FBLN1: variants seen among roughly 807,000 people sequenced by gnomAD.
The protein encoded by FBLN1 is fibulin-1.
A neutral mutation model predicts 89.7 loss-of-function variants in FBLN1; 34 were observed. That is an observed-to-expected ratio of 0.38 (90% CI 0.29 to 0.50). The LOEUF (loss-of-function observed/expected upper bound fraction) is 0.50. Among genes scored for constraint, FBLN1 ranks in the 20% least tolerant of loss-of-function variants. FBLN1 has a pLI of 0.92. For synonymous variants in FBLN1, 393 were observed against 391.3 expected, an observed-to-expected ratio of 1.00 and a Z score of -0.05; for missense variants, 777 against 988.1, an observed-to-expected ratio of 0.79 and a Z score of 2.86.
At chr22:45,546,157 G>A (rs2088623844) in intron 11 of FBLN1, among the ~76,000 whole-genome samples, 1 of 143,682 alleles carries the variant, frequency 7.0e-6, no homozygotes, top group South Asian at 2.3e-4. Flanking sequence ...TCCAGCCTGG[G>A]CGACAGACAA....
In FBLN1 at chr22:45,533,661, G is replaced by A; in HGVS notation, c.647-100G>A. 2.1e-6 allele frequency: 3 copies of A among 1,414,388 alleles called. No individual in the cohort carries two copies. The South Asian group carries it at 3.5e-5, about 16-fold the overall frequency. 87.6% of individuals were successfully genotyped at this position (1,414,388 alleles called of 1,614,324 possible). A position where few individuals can be genotyped will look rare whatever the true frequency, so the allele number is the denominator to read the frequency against. The stretch of plus-strand genomic sequence containing the variant: ...CCTGAGCTCAGTTTGCGAGGGTGCA[G>A]GGAAGCACTTCCACCGTGGCTTTGG... On this transcript the variant is annotated intron_variant, in intron 6 of 16. Transcript: ENST00000327858.
chr22:45,573,854 A>G (rs1189430067), intron 14 of FBLN1, among the ~76,000 whole-genome samples: 1 of 152,068 alleles, frequency 6.6e-6, no homozygotes, highest in Non-Finnish European at 1.5e-5. Flanking sequence ...TTGCCTTGTA[A>G]TAACTCGTTA....
chr22:45,600,200 C>G (rs559081567), intron 16 of FBLN1, 107 bp from the exon 17 acceptor site: 1 of 1,366,252 alleles, frequency 7.3e-7, no homozygotes, highest in African/African-American at 1.4e-5. Context: ...TCCATGAGGT[C>G]TATGCCTCCT....
At position 45,563,080 on chromosome 22, in the gene FBLN1, C is replaced by A; in HGVS notation, c.1698-11431C>A. On this transcript the variant is annotated intron_variant, in intron 14 of 16. Coordinates refer to ENST00000327858, the MANE Select transcript of FBLN1 (RefSeq NM_006486.3). The surrounding 1 kb of genome is among the most constrained non-coding windows in gnomAD (Gnocchi z 5.7). ...GGGACAGCATGCAGCTGGCCATCAC[C>A]GGCGGCAATGAGGAGGGCTTTTTCA... The A allele has an allele frequency of 6.2e-6, 10 of 1,613,442 alleles. No homozygotes were observed. Among genetic ancestry groups the A allele is most frequent in the Non-Finnish European group, 8.5e-6 (10 of 1,179,982 alleles).
At chr22:45,511,432 G>A (rs1036656093) in intron 1 of FBLN1, among the ~76,000 whole-genome samples, 31 of 148,704 alleles carry the variant, frequency 2.1e-4, no homozygotes, top group African/African-American at 7.3e-4. Flanking sequence ...GGGATTACAG[G>A]CATGAGCCAC....
In FBLN1 at chr22:45,600,823, A is replaced by T; in HGVS notation, c.*377A>T. On this transcript the variant is annotated 3_prime_UTR_variant, in exon 17 of 17. Transcript: ENST00000327858. ...TTGCCCTGATTGTATGAAATTTGACATTTTGGCACTTTTTTTTTTTTTTTG... is the reference window on the plus strand; with the variant it reads ...TTGCCCTGATTGTATGAAATTTGACTTTTTGGCACTTTTTTTTTTTTTTTG... 2.1e-5 allele frequency: 6 copies of T among 279,520 alleles called. No homozygotes were observed. Among genetic ancestry groups the T allele is most frequent in the South Asian group, 3.8e-5 (1 of 26,342 alleles). 17.3% of individuals were successfully genotyped at this position (279,520 alleles called of 1,614,324 possible). A position where few individuals can be genotyped will look rare whatever the true frequency, so the allele number is the denominator to read the frequency against.
rs758217466 is a variant in FBLN1, at chr22:45,577,027, A to G, written c.1891A>G (p.Asn631Asp). The G allele has an allele frequency of 1.1e-5, 18 of 1,614,046 alleles. No homozygotes were observed. In the African/African-American group the frequency reaches 1.7e-4, roughly 16 times the overall value. The change falls in exon 16 of 17, where the codon AAC becomes GAC. Residue 631 changes from asparagine (N) to aspartate (D), a missense_variant. Coordinates refer to ENST00000327858, the MANE Select transcript of FBLN1 (RefSeq NM_006486.3). This position sits in a 1 kb window ranked among gnomAD's most constrained non-coding sequence, Gnocchi z 6.6. The part of the protein sequence containing the change: ...ITPPHPASQA[N>D]IIFDITEGNL... Reference sequence around the variant, plus strand: ...GCCACCGCATCCTGCCAGCCAGGCTAACATCATCTTCGACATCACGGAAGG... The same window carrying G: ...GCCACCGCATCCTGCCAGCCAGGCTGACATCATCTTCGACATCACGGAAGG...
In FBLN1 at chr22:45,579,211, C is replaced by T. The variant is rs924117682; in HGVS notation, c.1972+2103C>T. On this transcript the variant is annotated intron_variant, in intron 16 of 16. Transcript: ENST00000327858. This position sits in a 1 kb window ranked among gnomAD's most constrained non-coding sequence, Gnocchi z 5.5. Reference sequence around the variant, plus strand: ...TGGGAGTGTCTGTTTCTCAGCTTCCCATCCACTGGGGCAGAAAATCCTGGC... The same window carrying T: ...TGGGAGTGTCTGTTTCTCAGCTTCCTATCCACTGGGGCAGAAAATCCTGGC... Among the ~76,000 whole-genome samples, 2 of 152,246 alleles carry T rather than the reference C, an allele frequency of 1.3e-5. No homozygotes were observed. Among genetic ancestry groups the T allele is most frequent in the African/African-American group, 4.8e-5 (2 of 41,474 alleles).
intron 16 of FBLN1, among the ~76,000 whole-genome samples, chr22:45,586,188 G>T (rs1166574611): frequency 1.3e-5 from 2 of 152,216 alleles, no homozygotes. Context: ...GGAGCTCAAG[G>T]CCTCAGCCCC....
chr22:45,586,225 CGCACTGCA>C (rs1481829449), intron 16 of FBLN1, among the ~76,000 whole-genome samples: 1 of 152,160 alleles, frequency 6.6e-6, no homozygotes, highest in Non-Finnish European at 1.5e-5. Flanking sequence ...ATGTGAGTGC[CGCACTGCA>C]CACCCGAGAT....
intron 16 of FBLN1, among the ~76,000 whole-genome samples, chr22:45,585,246 C>T (rs2089074533): frequency 6.6e-6 from 1 of 152,144 alleles, no homozygotes; most frequent in African/African-American, 2.4e-5. Flanking sequence ...ATGCAGCAGC[C>T]CCGGTACAAG....
chr22:45,589,610 A>G (rs1439464494), intron 16 of FBLN1, among the ~76,000 whole-genome samples: 1 of 152,144 alleles, frequency 6.6e-6, no homozygotes, highest in Non-Finnish European at 1.5e-5. Flanking sequence ...GGCGCCTCTC[A>G]GGAGTAAAGG....
chr22:45,503,299 A>G (rs2087973095), intron 1 of FBLN1: 1 of 271,006 alleles, frequency 3.7e-6, no homozygotes, highest in South Asian at 1.7e-4. Flanking sequence ...CCACCCCTCA[A>G]ACACACCGTC....
At chr22:45,552,418 G>A (rs180931302) in intron 14 of FBLN1, among the ~76,000 whole-genome samples, 368 of 152,288 alleles carry the variant, frequency 2.4e-3, no homozygotes, top group African/African-American at 8.5e-3. Flanking sequence ...TTGGACTCCC[G>A]GGACTGATAG....
At position 45,547,633 on chromosome 22, in the gene FBLN1, C is replaced by T. The variant is rs562063662; in HGVS notation, c.1441+429C>T. Among the ~76,000 whole-genome samples, 118 of 152,138 alleles carry T rather than the reference C, an allele frequency of 7.8e-4. 1 individual carries two copies. Among genetic ancestry groups the T allele is most frequent in the Non-Finnish European group, 1.4e-3 (98 of 67,992 alleles). ...CAGGCTGGTCTCGAACTCCGTGGCTCAAGTGATCCTCTTGCTTCAGCCTCC... is the reference window on the plus strand; with the variant it reads ...CAGGCTGGTCTCGAACTCCGTGGCTTAAGTGATCCTCTTGCTTCAGCCTCC... On this transcript the variant is annotated intron_variant, in intron 12 of 16. Coordinates refer to ENST00000327858, the MANE Select transcript of FBLN1 (RefSeq NM_006486.3).
chr22:45,598,382 C>T (rs929530261), intron 16 of FBLN1, among the ~76,000 whole-genome samples: 5 of 152,254 alleles, frequency 3.3e-5, no homozygotes, highest in African/African-American at 1.2e-4. Flanking sequence ...CCACCCTCAA[C>T]ACCACCTTAG....
rs533563354 is a variant in FBLN1 at position 45,510,265 on chromosome 22, C to T, written c.79+7201C>T. On this transcript the variant is annotated intron_variant, in intron 1 of 16. Transcript: ENST00000327858. The stretch of plus-strand genomic sequence containing the variant: ...GACAGTATTGTAGATGGAATCGGGC[C>T]GGCTTTGTAGAGGTCCCTGGATCCT... Among the ~76,000 whole-genome samples the T allele has an allele frequency of 2.2e-4, 33 of 152,234 alleles. No individual in the cohort carries two copies. In the South Asian group the frequency reaches 2.3e-3, roughly 11 times the overall value.
In FBLN1 at chr22:45,532,874, C is replaced by T. The variant is rs1444032377; in HGVS notation, c.545-189C>T. On this transcript the variant is annotated intron_variant, in intron 5 of 16. Transcript: ENST00000327858. This position sits in a 1 kb window ranked among gnomAD's most constrained non-coding sequence, Gnocchi z 4.2. ...AGGTTGGGACCTGAAGCAGCAGCCC[C>T]TGGGGGGTGTCCAGAGCCAGAGCCT... 6 of 635,818 alleles carry T rather than the reference C, an allele frequency of 9.4e-6. No homozygotes were observed. Among genetic ancestry groups the T allele is most frequent in the Non-Finnish European group, 1.7e-5 (6 of 352,922 alleles). The allele number at this position is 635,818 out of a possible 1,614,324, so 39.4% of individuals were successfully genotyped here. A position where few individuals can be genotyped will look rare whatever the true frequency, so the allele number is the denominator to read the frequency against.
At chr22:45,521,006 G>C (rs1162253715) in intron 2 of FBLN1, among the ~76,000 whole-genome samples, 1 of 152,072 alleles carries the variant, frequency 6.6e-6, no homozygotes, top group Non-Finnish European at 1.5e-5. Context: ...AGTAGAGACA[G>C]AGTTTCACCG....
Sources: gnomAD v4.1 joint callset for allele counts (sites outside exome capture counted in the v4.1 genomes callset) on GRCh38, gnomAD v4.1.1 for gene constraint, Gnocchi (gnomAD v3.1) non-coding constraint, MANE v1.5 for transcripts, NCBI Gene and HGNC (gene_info 2026-07-23, HGNC 2026-07-21) for gene names.